The following DENND2C variants were observed in gnomAD, a reference collection of about 807,000 sequenced individuals.
DENND2C encodes DENN domain containing 2C, also known as DENN domain-containing protein 2C.
Under a neutral mutation model 112.4 loss-of-function variants are expected in DENND2C, and 72 were observed. That is an observed-to-expected ratio of 0.64 (90% CI 0.53 to 0.78). The LOEUF (loss-of-function observed/expected upper bound fraction) is 0.78. Ranked by LOEUF, DENND2C falls within the 30% of genes least tolerant of loss-of-function variation. The pLI is 0.00. For synonymous variants in DENND2C, 329 were observed against 381.6 expected, an observed-to-expected ratio of 0.86 and a Z score of 1.61; for missense variants, 992 against 1,113.8, an observed-to-expected ratio of 0.89 and a Z score of 1.56.
intron 2 of DENND2C, among the ~76,000 whole-genome samples, chr1:114,650,932 CAG>C (rs969509905): frequency 6.6e-6 from 1 of 151,962 alleles, no homozygotes; most frequent in African/African-American, 2.4e-5. Flanking sequence ...GTATCCTTCA[CAG>C]TGCCATTTAA....
chr1:114,591,858 C>T (rs1655200638), intron 18 of DENND2C, among the ~76,000 whole-genome samples: 1 of 147,014 alleles, frequency 6.8e-6, no homozygotes, highest in Admixed American at 6.8e-5. Flanking sequence ...GTCCTAGTAT[C>T]ATTTATTATT....
At chr1:114,648,870 A>G (rs1178722332) in intron 2 of DENND2C, among the ~76,000 whole-genome samples, 1 of 152,202 alleles carries the variant, frequency 6.6e-6, no homozygotes, top group East Asian at 1.9e-4. Context: ...AACTTTAATA[A>G]CATTAAGCTT....
intron 1 of DENND2C, among the ~76,000 whole-genome samples, chr1:114,661,254 A>T (rs1657485339): frequency 6.6e-6 from 1 of 152,362 alleles, no homozygotes; most frequent in South Asian, 2.1e-4. Flanking sequence ...CACTGCTGAA[A>T]TGTCCAATAA....
intron 7 of DENND2C, 23 bp from the exon 8 acceptor site, chr1:114,618,505 C>T (rs748662253): frequency 2.1e-6 from 3 of 1,443,726 alleles, no homozygotes; most frequent in Admixed American, 2.2e-5. Context: ...CAGAAAAATA[C>T]AAATTAAGAC....
At chr1:114,637,551 C>T (rs1328305689) in intron 3 of DENND2C, among the ~76,000 whole-genome samples, 3 of 151,474 alleles carry the variant, frequency 2.0e-5, no homozygotes, top group Non-Finnish European at 2.9e-5. Flanking sequence ...GAGTCTTGCT[C>T]TGTCGCCCAG....
At position 114,602,109 on chromosome 1, in the gene DENND2C, C is replaced by T. The variant is rs894022129; in HGVS notation, c.1737+16G>A. The T allele has an allele frequency of 1.2e-6, 2 of 1,613,414 alleles. No homozygotes were observed. The highest frequency in any genetic ancestry group is 1.7e-6 in the Non-Finnish European group (2 of 1,179,596). On this transcript the variant is annotated intron_variant, in intron 12 of 20. Transcript: ENST00000393274. Reference sequence around the variant, plus strand: ...TCCTTGACCAACCCTGTCTGTAACACAAATCTGATACTTACCAAGAGCTTC... The same window carrying T: ...TCCTTGACCAACCCTGTCTGTAACATAAATCTGATACTTACCAAGAGCTTC...
intron 3 of DENND2C, among the ~76,000 whole-genome samples, chr1:114,636,566 A>C (rs2101677027): frequency 6.6e-6 from 1 of 152,148 alleles, no homozygotes; most frequent in Middle Eastern, 3.4e-3. Flanking sequence ...TTGGGAGATT[A>C]AGGTGGGAAT....
chr1:114,655,899 T>TATATATATATATAA (rs947062949), intron 1 of DENND2C, among the ~76,000 whole-genome samples: 10 of 147,700 alleles, frequency 6.8e-5, no homozygotes, highest in South Asian at 4.3e-4. Flanking sequence ...TATATATATA[T>TATATATATATATAA]AATATGTATG....
Position 114,625,231 on chromosome 1 carries a change from G to A in DENND2C, c.754C>T (p.Gln252Ter). 1 of 1,613,218 alleles carries A rather than the reference G, an allele frequency of 6.2e-7. No individual in the cohort carries two copies. The highest frequency in any genetic ancestry group is 8.5e-7 in the Non-Finnish European group (1 of 1,179,832). The change falls in exon 4 of 21, where the codon CAG becomes TAG. Residue 252 changes from glutamine to a stop codon, truncating the protein, a stop_gained. Coordinates refer to ENST00000393274, the MANE Select transcript of DENND2C (RefSeq NM_001256404.2). LOFTEE classifies it high-confidence loss of function. ...CCATATTTCTTTGGTTCAGGTTCCT[G>A]AGAAGAGGCCAAAGAAGATTGTGCA... ...SCAQSSLASS[Q>*]EPEPKKYGGK...
At chr1:114,658,602 C>T (rs540929605) in intron 1 of DENND2C, among the ~76,000 whole-genome samples, 111 of 151,986 alleles carry the variant, frequency 7.3e-4, no homozygotes, top group African/African-American at 2.6e-3. Context: ...AAAGAAGATG[C>T]AACTTCAAAT....
In DENND2C at chr1:114,608,809, C is replaced by T. The variant is rs1464625472; in HGVS notation, c.1434G>A (p.Leu478=). Residue 478 remains leucine (L), a synonymous_variant, in exon 10 of 21, where the codon TTG becomes TTA. Transcript: ENST00000393274. ...CCTGTAATTCAATAAGATCCCGCTC[C>T]AAGGTCTGGTAGTGAGGATTCCTCT... ...SSKRNPHYQT[L]ERDLIELQEQ... 2 of 1,614,072 alleles carry T rather than the reference C, an allele frequency of 1.2e-6. No homozygotes were observed. Among genetic ancestry groups the T allele is most frequent in the African/African-American group, 2.7e-5 (2 of 74,920 alleles).
At chr1:114,601,978 C>T (rs982795301) in intron 12 of DENND2C, 147 bp downstream of exon 12, 1 of 704,756 alleles carries the variant, frequency 1.4e-6, no homozygotes, top group African/African-American at 1.8e-5. Context: ...CCACCTTCCT[C>T]TTGCTGTTTA....
chr1:114,657,784 G>A (rs1330256447), intron 1 of DENND2C, among the ~76,000 whole-genome samples: 3 of 152,192 alleles, frequency 2.0e-5, no homozygotes, highest in Non-Finnish European at 4.4e-5. Flanking sequence ...GGACAGGAAC[G>A]TGAAGTCCAG....
rs142293713 is a variant in DENND2C, at chr1:114,608,842, C to T, written c.1401G>A (p.Pro467=). The change falls in exon 10 of 21, where the codon CCG becomes CCA. Residue 467 remains proline, a synonymous_variant. Transcript: ENST00000393274. ...NRHKRLAQLQ[P]SSKRNPHYQT... ...GGTAGTGAGGATTCCTCTTGGAAGA[C>T]GGTTGCAGTTGTGCTAAGCGTTTAT... 489 of 1,614,168 alleles carry T rather than the reference C, an allele frequency of 3.0e-4. 1 individual carries two copies. The African/African-American group carries it at 4.3e-3, about 14-fold the overall frequency.
intron 3 of DENND2C, among the ~76,000 whole-genome samples, chr1:114,629,260 A>C (rs1656425642): frequency 6.6e-6 from 1 of 152,176 alleles, no homozygotes; most frequent in African/African-American, 2.4e-5. Context: ...TAGAAGTATA[A>C]ACATAAAAAC....
At chr1:114,593,919 A>G (rs995554193) in intron 18 of DENND2C, among the ~76,000 whole-genome samples, 1 of 152,264 alleles carries the variant, frequency 6.6e-6, no homozygotes, top group African/African-American at 2.4e-5. Context: ...ATGTATGTCA[A>G]GTGCTTAGCA....
rs541678054 is a variant in DENND2C at position 114,659,892 on chromosome 1, G to A, written c.-573-5131C>T. On this transcript the variant is annotated intron_variant, in intron 1 of 20. Coordinates refer to ENST00000393274, the MANE Select transcript of DENND2C (RefSeq NM_001256404.2). ...CTGTAGCCTCACTCTTTGGGCTTAC[G>A]CGATCCTTCTACCTCAATCTCCCGG... Among the ~76,000 whole-genome samples the A allele has an allele frequency of 3.4e-5, 5 of 148,986 alleles. No homozygotes were observed. In the South Asian group the frequency reaches 8.8e-4, roughly 26 times the overall value.
At chr1:114,638,945 T>C (rs1656733121) in intron 3 of DENND2C, among the ~76,000 whole-genome samples, 1 of 151,476 alleles carries the variant, frequency 6.6e-6, no homozygotes. Context: ...CATACATATA[T>C]CTGATGAGGA....
chr1:114,642,406 A>AATAATC (rs1360000260), intron 3 of DENND2C, among the ~76,000 whole-genome samples: 1 of 152,182 alleles, frequency 6.6e-6, no homozygotes, highest in Non-Finnish European at 1.5e-5. Flanking sequence ...AATAATGCCA[A>AATAATC]ATAATCTGGA....
Sources: allele counts gnomAD v4.1 joint callset (sites outside exome capture counted in the v4.1 genomes callset), GRCh38; gene constraint gnomAD v4.1.1; transcripts MANE v1.5; gene names NCBI Gene and HGNC (gene_info 2026-07-23, HGNC 2026-07-21).